Variants in RSPO4 observed in about 807,000 individuals in gnomAD.
RSPO4 encodes the protein R-spondin-4.
A neutral mutation model predicts 24.8 loss-of-function variants in RSPO4; 23 were observed. The ratio of observed to expected loss-of-function variants is 0.93; its 90% CI spans 0.67 to 1.31. RSPO4 has a LOEUF of 1.31. Ranked by LOEUF, RSPO4 falls within the 40% of genes most tolerant of loss-of-function variation. RSPO4 has a pLI of 0.00. For missense variants in RSPO4, 333 were observed against 316.5 expected (o/e 1.05, Z -0.39); for synonymous variants, 141 against 127.4 (o/e 1.11, Z -0.72).
At chr20:983,073 C>A (rs1984791660) in intron 1 of RSPO4, among the ~76,000 whole-genome samples, 1 of 152,212 alleles carries the variant, frequency 6.6e-6, no homozygotes, top group African/African-American at 2.4e-5. Context: ...GCTGAAAGCT[C>A]GTTGATTCCT....
At chr20:980,913 C>T (rs1266170190) in intron 1 of RSPO4, among the ~76,000 whole-genome samples, 2 of 152,194 alleles carry the variant, frequency 1.3e-5, no homozygotes. Context: ...GCCAGGGCTT[C>T]CCAAACTGTA....
intron 1 of RSPO4, among the ~76,000 whole-genome samples, chr20:983,208 G>A (rs1253077050): frequency 6.6e-6 from 1 of 152,154 alleles, no homozygotes; most frequent in Non-Finnish European, 1.5e-5. Flanking sequence ...CTTTGCTCCT[G>A]TCCCACCTTG....
At chr20:967,147 G>C in intron 3 of RSPO4, 27 bp downstream of exon 3, 2 of 1,608,190 alleles carry the variant, frequency 1.2e-6, no homozygotes, top group Non-Finnish European at 1.7e-6. Flanking sequence ...GGAGGGGCAG[G>C]GGCAGGGCGG....
intron 1 of RSPO4, 64 bp from the exon 2 acceptor site, chr20:968,202 C>T (rs966221894): frequency 5.4e-6 from 8 of 1,480,598 alleles, no homozygotes; most frequent in Non-Finnish European, 7.5e-6. Flanking sequence ...ACCATATATG[C>T]GAGCAGCTGA....
chr20:982,777 CA>C (rs1243205143), intron 1 of RSPO4, among the ~76,000 whole-genome samples: 1 of 152,190 alleles, frequency 6.6e-6, no homozygotes, highest in Non-Finnish European at 1.5e-5. Flanking sequence ...ATACTGGGGA[CA>C]ATAAATGCTG....
rs900868622 is a variant in RSPO4 at position 963,126 on chromosome 20, G to T, written c.595+809C>A. 2.0e-5 allele frequency among the ~76,000 whole-genome samples: 3 copies of T among 152,194 alleles called. No homozygotes were observed. In the East Asian group the frequency reaches 5.8e-4, roughly 29 times the overall value. ...GGAAATACGTGTAGTGGTCTTGAAT[G>T]GCACAGTGAAGGGGGTTCCTGTGGC... On this transcript the variant is annotated intron_variant, in intron 4 of 4. Transcript: ENST00000217260.
intron 4 of RSPO4, among the ~76,000 whole-genome samples, chr20:960,693 C>T (rs1431399804): frequency 2.0e-5 from 3 of 152,252 alleles, no homozygotes; most frequent in East Asian, 1.9e-4. Flanking sequence ...GCGAGGGCCA[C>T]TAACTTGTTC....
chr20:994,227 A>G (rs1422960446), intron 1 of RSPO4, among the ~76,000 whole-genome samples: 1 of 152,214 alleles, frequency 6.6e-6, no homozygotes, highest in Non-Finnish European at 1.5e-5. Flanking sequence ...AGTATTTTTA[A>G]AGAAAAAATA....
intron 1 of RSPO4, among the ~76,000 whole-genome samples, chr20:992,322 C>T (rs1985136293): frequency 2.1e-5 from 3 of 140,722 alleles, no homozygotes; most frequent in Non-Finnish European, 4.5e-5. Context: ...GCTCTGAGGT[C>T]CACTTTCATA....
Position 964,030 on chromosome 20 carries a change from A to G in RSPO4, c.500T>C (p.Val167Ala). Residue 167 changes from valine to alanine, a missense_variant, in exon 4 of 5, where the codon GTA becomes GCA. Coordinates refer to ENST00000217260, the MANE Select transcript of RSPO4 (RefSeq NM_001029871.4). ...CGSAWGLESRVREAGRAGHEE... is the reference protein window; with the variant it reads ...CGSAWGLESRAREAGRAGHEE... The stretch of plus-strand genomic sequence containing the variant: ...ATGCCCAGCCCGGCCAGCCTCTCGT[A>G]CCCGGCTCTCCAGGCCCCAAGCCGA... The G allele has an allele frequency of 6.2e-7, 1 of 1,613,308 alleles. No individual in the cohort carries two copies. Among genetic ancestry groups the G allele is most frequent in the Non-Finnish European group, 8.5e-7 (1 of 1,179,952 alleles).
intron 4 of RSPO4, among the ~76,000 whole-genome samples, chr20:961,317 C>A (rs911475429): frequency 6.6e-6 from 1 of 152,238 alleles, no homozygotes; most frequent in Non-Finnish European, 1.5e-5. Flanking sequence ...CCGCAAGGAG[C>A]TGTGTGTCCA....
chr20:984,926 T>TCC (rs1568924604), intron 1 of RSPO4, among the ~76,000 whole-genome samples: 3 of 88,514 alleles, frequency 3.4e-5, no homozygotes, highest in African/African-American at 1.5e-4. Context: ...TCCATCCCCA[T>TCC]CCATCCATCC....
At chr20:965,919 G>A (rs1984180767) in intron 3 of RSPO4, among the ~76,000 whole-genome samples, 2 of 152,240 alleles carry the variant, frequency 1.3e-5, no homozygotes, top group South Asian at 4.1e-4. Context: ...GATATTTTCA[G>A]AGTGAATAAA....
In RSPO4 at chr20:976,653, A is replaced by G. The variant is rs112741492; in HGVS notation, c.80-8515T>C. Among the ~76,000 whole-genome samples the G allele has an allele frequency of 1.2e-3, 183 of 152,120 alleles. 1 individual carries two copies. Among genetic ancestry groups the G allele is most frequent in the African/African-American group, 4.4e-3 (181 of 41,490 alleles). On this transcript the variant is annotated intron_variant, in intron 1 of 4. Coordinates refer to ENST00000217260, the MANE Select transcript of RSPO4 (RefSeq NM_001029871.4). ...CCTTCCATCTGCCTTCACTCTGCAG[A>G]ACTTCCCTGAGGGGTCAAAAATGCA...
chr20:984,471 G>A (rs550230462), intron 1 of RSPO4, among the ~76,000 whole-genome samples: 2 of 152,312 alleles, frequency 1.3e-5, no homozygotes, highest in Non-Finnish European at 1.5e-5. Flanking sequence ...CTTGGTCAGT[G>A]TGTCCCTGCC....
At chr20:975,958 T>C (rs1948546182) in intron 1 of RSPO4, among the ~76,000 whole-genome samples, 1 of 152,166 alleles carries the variant, frequency 6.6e-6, no homozygotes, top group South Asian at 2.1e-4. Flanking sequence ...CTACCATTAT[T>C]ATATTGAGAA....
At chr20:983,165 C>G (rs1343967493) in intron 1 of RSPO4, among the ~76,000 whole-genome samples, 1 of 152,206 alleles carries the variant, frequency 6.6e-6, no homozygotes, top group Non-Finnish European at 1.5e-5. Context: ...TGAAGTCCTG[C>G]AATCAACAGA....
chr20:974,423 T>C (rs936603803), intron 1 of RSPO4, among the ~76,000 whole-genome samples: 4 of 152,138 alleles, frequency 2.6e-5, no homozygotes, highest in African/African-American at 9.7e-5. Context: ...GGTGGGAGGG[T>C]AGCCTGTTCC....
At chr20:988,829 G>C (rs541817250) in intron 1 of RSPO4, among the ~76,000 whole-genome samples, 2 of 152,270 alleles carry the variant, frequency 1.3e-5, no homozygotes, top group Non-Finnish European at 2.9e-5. Flanking sequence ...GGGATAACAG[G>C]CGAGAGCCAC....
Sources: allele counts gnomAD v4.1 joint callset (sites outside exome capture counted in the v4.1 genomes callset), GRCh38; gene constraint gnomAD v4.1.1; transcripts MANE v1.5; gene names NCBI Gene and HGNC (gene_info 2026-07-23, HGNC 2026-07-21).